The following C17orf50 variants were observed in gnomAD, a reference collection of about 807,000 sequenced individuals.
The protein encoded by C17orf50 is uncharacterized protein C17orf50.
In C17orf50, 16 loss-of-function variants were observed where a neutral mutation model predicts 17.7. The ratio of observed to expected loss-of-function variants is 0.90; its 90% CI spans 0.61 to 1.37. The LOEUF is 1.37. Ranked by LOEUF, C17orf50 falls within the 40% of genes most tolerant of loss-of-function variation. The probability of loss-of-function intolerance (pLI) is 0.00; values close to 1 mark genes in which losing one functional copy is unlikely to be tolerated. For synonymous variants in C17orf50, 125 were observed against 111.0 expected, an observed-to-expected ratio of 1.13 and a Z score of -0.80; for missense variants, 271 against 240.7, an observed-to-expected ratio of 1.13 and a Z score of -0.83.
chr17:35,760,909 G>C lies in C17orf50; in HGVS notation c.-33G>C. ...GGCACCCTCTCACATCCCAGTCTCT[G>C]ATCAGGGAAAGCAGGGCACAGCCTT... is the stretch of plus-strand genomic sequence containing the variant. On this transcript the variant is annotated 5_prime_UTR_variant, in exon 1 of 3. Transcript: ENST00000605587. 6.2e-7 allele frequency: 1 copy of C among 1,613,216 alleles called. No individual in the cohort carries two copies.
Position 35,764,357 on chromosome 17 carries a change from G to A in C17orf50, c.332+32G>A, listed in dbSNP as rs1002981605. On this transcript the variant is annotated intron_variant, in intron 2 of 2. Coordinates refer to ENST00000605587, the MANE Select transcript of C17orf50 (RefSeq NM_145272.4). ...GCGCGCTCCTCGACCGGGGCACGAG[G>A]GAGGCGGTGCCCGGGCCCCAGGGAG... 4 of 1,454,426 alleles carry A rather than the reference G, an allele frequency of 2.8e-6. No homozygotes were observed. The African/African-American group carries it at 4.4e-5, about 16-fold the overall frequency. The allele number at this position is 1,454,426 out of a possible 1,614,324, so 90.1% of individuals were successfully genotyped here.
chr17:35,762,550 G>A (rs2085841455), intron 1 of C17orf50, among the ~76,000 whole-genome samples: 1 of 152,152 alleles, frequency 6.6e-6, no homozygotes, highest in Admixed American at 6.5e-5. Context: ...CCAGCAAGAG[G>A]GGACAGTGGT....
At position 35,764,441 on chromosome 17, in the gene C17orf50, G is replaced by A. The variant is rs782362486; in HGVS notation, c.348G>A (p.Pro116=). Residue 116 remains proline, a synonymous_variant, in exon 3 of 3, where the codon CCG becomes CCA. Transcript: ENST00000605587. The part of the protein sequence containing the change: ...TAPTDRKRSL[P]EEPCVLEIRR... The stretch of plus-strand genomic sequence containing the variant: ...CCGCCGGCAGGAAGCGGAGCCTCCC[G>A]GAGGAGCCGTGCGTGCTGGAGATCC... 2 of 1,549,634 alleles carry A rather than the reference G, an allele frequency of 1.3e-6. No individual in the cohort carries two copies. Among genetic ancestry groups the A allele is most frequent in the South Asian group, 1.2e-5 (1 of 83,728 alleles).
intron 1 of C17orf50, among the ~76,000 whole-genome samples, chr17:35,763,689 G>C (rs1418817467): frequency 6.6e-6 from 1 of 151,782 alleles, no homozygotes; most frequent in Non-Finnish European, 1.5e-5. Flanking sequence ...CTGAGGTCAG[G>C]AGTTTGAGAC....
At chr17:35,763,766 G>A (rs2085871993) in intron 1 of C17orf50, among the ~76,000 whole-genome samples, 1 of 151,846 alleles carries the variant, frequency 6.6e-6, no homozygotes, top group Non-Finnish European at 1.5e-5. Flanking sequence ...GCGCAGCGGG[G>A]CGTGCCTGTA....
At chr17:35,761,067 T>A in intron 1 of C17orf50, 113 bp downstream of exon 1, 1 of 1,193,104 alleles carries the variant, frequency 8.4e-7, no homozygotes, top group Non-Finnish European at 1.2e-6. Context: ...CCCATCCATG[T>A]AGCTGCAAGC....
chr17:35,764,636 C>T lies in C17orf50; in HGVS notation c.*18C>T, dbSNP rs1316258775. 6.4e-7 allele frequency: 1 copy of T among 1,553,552 alleles called. No individual in the cohort carries two copies. The highest frequency in any genetic ancestry group is 1.2e-5 in the South Asian group (1 of 82,682). On this transcript the variant is annotated 3_prime_UTR_variant, in exon 3 of 3. Transcript: ENST00000605587. Reference sequence around the variant, plus strand: ...ACTCCTGAGCGCCCCCGCTCCCAGCCTTTGTGCCCTCCATCATTTCCTGGC... The same window carrying T: ...ACTCCTGAGCGCCCCCGCTCCCAGCTTTTGTGCCCTCCATCATTTCCTGGC...
chr17:35,761,068 A>G, intron 1 of C17orf50, 114 bp downstream of exon 1: 1 of 1,077,784 alleles, frequency 9.3e-7, no homozygotes, highest in Non-Finnish European at 1.3e-6. Context: ...CCATCCATGT[A>G]GCTGCAAGCC....
rs1051742578 is a variant in C17orf50 at position 35,764,303 on chromosome 17, G to T, written c.310G>T (p.Gly104Cys). Residue 104 changes from glycine to cysteine, a missense_variant, in exon 2 of 3, where the codon GGC becomes TGC. Transcript: ENST00000605587. ...GCTCGGCCCCTTAGCGCTGCTGGGC[G>T]GCCTAACAGCTCCCACCGACAGGTG... ...GWLGPLALLG[G>C]LTAPTDRKRS... 16 of 1,500,002 alleles carry T rather than the reference G, an allele frequency of 1.1e-5. No individual in the cohort carries two copies. In the African/African-American group the frequency reaches 2.3e-4, roughly 21 times the overall value. 92.9% of individuals were successfully genotyped at this position (1,500,002 alleles called of 1,614,324 possible).
intron 1 of C17orf50, among the ~76,000 whole-genome samples, chr17:35,763,103 C>T (rs2085856227): frequency 7.1e-6 from 1 of 141,470 alleles, no homozygotes; most frequent in South Asian, 2.2e-4. Flanking sequence ...GCCTGGGCGA[C>T]AGAGCGAGAC....
chr17:35,762,163 T>C (rs888107294), intron 1 of C17orf50, among the ~76,000 whole-genome samples: 3 of 152,120 alleles, frequency 2.0e-5, no homozygotes, highest in African/African-American at 7.2e-5. Flanking sequence ...GCTAATTTGG[T>C]ATTTTTAGTA....
rs1555602062 is a variant in C17orf50, at chr17:35,764,009, G to A, written c.16G>A (p.Val6Met). The A allele has an allele frequency of 5.8e-6, 9 of 1,539,388 alleles. No individual in the cohort carries two copies. The East Asian group carries it at 2.2e-4, about 38-fold the overall frequency. Residue 6 changes from valine (V) to methionine (M), a missense_variant and splice_region_variant, in exon 2 of 3, where the codon GTG (valine) becomes ATG (methionine). Physicochemically the swap from Val to Met is conservative, Grantham distance 21. Coordinates refer to ENST00000605587, the MANE Select transcript of C17orf50 (RefSeq NM_145272.4). ...CCTGACCTCCTCCCGGCCCGCAGGT[G>A]TGAAGACCCCCTTGTGGAAGAAGGA... The part of the protein sequence containing the change: MDKHG[V>M]KTPLWKKETE...
rs782814505 is a variant in C17orf50, at chr17:35,764,667, A to C, written c.*49A>C. 1.3e-6 allele frequency: 2 copies of C among 1,511,140 alleles called. No individual in the cohort carries two copies. The highest frequency in any genetic ancestry group is 2.6e-5 in the East Asian group (1 of 38,560). 93.6% of individuals were successfully genotyped at this position (1,511,140 alleles called of 1,614,324 possible). On this transcript the variant is annotated 3_prime_UTR_variant, in exon 3 of 3. Transcript: ENST00000605587. Reference sequence around the variant, plus strand: ...GCCCTCCATCATTTCCTGGCCCCAGACCCCCTACCGACCTTCTCTCTTGGA... The same window carrying C: ...GCCCTCCATCATTTCCTGGCCCCAGCCCCCCTACCGACCTTCTCTCTTGGA...
intron 1 of C17orf50, among the ~76,000 whole-genome samples, chr17:35,761,908 G>A (rs1212294384): frequency 6.6e-6 from 1 of 152,208 alleles, no homozygotes; most frequent in Non-Finnish European, 1.5e-5. Flanking sequence ...CAACCAGAAG[G>A]CTAGAACACC....
At chr17:35,761,098 A>ATTT in intron 1 of C17orf50, 144 bp downstream of exon 1, 1 of 711,500 alleles carries the variant, frequency 1.4e-6, no homozygotes, top group African/African-American at 2.1e-5. Context: ...CGCCTTCCTG[A>ATTT]ATTTTTTTTT....
Position 35,762,170 on chromosome 17 carries a change from A to G in C17orf50, c.13+1216A>G, listed in dbSNP as rs587657700. Reference sequence around the variant, plus strand: ...CACGCCCAGCTAATTTGGTATTTTTAGTAGAGACGGGGTTTCTCCTTGTTG... The same window carrying G: ...CACGCCCAGCTAATTTGGTATTTTTGGTAGAGACGGGGTTTCTCCTTGTTG... On this transcript the variant is annotated intron_variant, in intron 1 of 2. Coordinates refer to ENST00000605587, the MANE Select transcript of C17orf50 (RefSeq NM_145272.4). 7.9e-5 allele frequency among the ~76,000 whole-genome samples: 12 copies of G among 152,102 alleles called. No individual in the cohort carries two copies. In the East Asian group the frequency reaches 2.3e-3, roughly 29 times the overall value.
Position 35,764,660 on chromosome 17 carries a change from G to T in C17orf50, c.*42G>T, listed in dbSNP as rs781937921. The T allele has an allele frequency of 5.2e-6, 8 of 1,524,540 alleles. No homozygotes were observed. The highest frequency in any genetic ancestry group is 1.5e-5 in the African/African-American group (1 of 68,730). The allele number at this position is 1,524,540 out of a possible 1,614,324, so 94.4% of individuals were successfully genotyped here. On this transcript the variant is annotated 3_prime_UTR_variant, in exon 3 of 3. Coordinates refer to ENST00000605587, the MANE Select transcript of C17orf50 (RefSeq NM_145272.4). ...CCTTTGTGCCCTCCATCATTTCCTG[G>T]CCCCAGACCCCCTACCGACCTTCTC...
intron 1 of C17orf50, among the ~76,000 whole-genome samples, chr17:35,761,545 C>G (rs1174098759): frequency 2.0e-5 from 3 of 152,138 alleles, no homozygotes; most frequent in African/African-American, 7.2e-5. Flanking sequence ...TCCCAAAGTG[C>G]TGGGATTACA....
In C17orf50 at chr17:35,760,888, C is replaced by T; in HGVS notation, c.-54C>T. On this transcript the variant is annotated 5_prime_UTR_variant, in exon 1 of 3. Coordinates refer to ENST00000605587, the MANE Select transcript of C17orf50 (RefSeq NM_145272.4). ...GACAAAGTTCTATGGGTTCTGGGCA[C>T]CCTCTCACATCCCAGTCTCTGATCA... The T allele has an allele frequency of 6.2e-7, 1 of 1,610,614 alleles. No individual in the cohort carries two copies. The highest frequency in any genetic ancestry group is 1.1e-5 in the South Asian group (1 of 90,228).
Sources: allele counts gnomAD v4.1 joint callset (sites outside exome capture counted in the v4.1 genomes callset), GRCh38; gene constraint gnomAD v4.1.1; transcripts MANE v1.5; gene names NCBI Gene and HGNC (gene_info 2026-07-23, HGNC 2026-07-21).